Variants in ARSB observed in about 807,000 individuals in gnomAD.
ARSB encodes the protein arylsulfatase B, also known as N-acetylgalactosamine-4-sulfatase.
Under a neutral mutation model 50.9 loss-of-function variants are expected in ARSB, and 41 were observed. That is an observed-to-expected ratio of 0.81 (90% CI 0.63 to 1.04). ARSB has a LOEUF of 1.04. ARSB is among the 50% of genes least tolerant of loss of function. The probability of loss-of-function intolerance (pLI) is 0.00; values close to 1 mark genes in which losing one functional copy is unlikely to be tolerated. For synonymous variants in ARSB, 269 were observed against 284.8 expected (o/e 0.94, Z 0.56); for missense variants, 672 against 693.3 (o/e 0.97, Z 0.35).
intron 6 of ARSB, among the ~76,000 whole-genome samples, chr5:78,816,568 G>A (rs999500624): frequency 1.3e-5 from 2 of 152,204 alleles, no homozygotes; most frequent in Non-Finnish European, 2.9e-5. Flanking sequence ...TTCTGCAGAT[G>A]CCATTAAGGT....
rs141070149 is a variant in ARSB at position 78,935,600 on chromosome 5, T to C, written c.898+19695A>G. The stretch of plus-strand genomic sequence containing the variant: ...GAGTAACAAGAGGAAACAGAAGCCA[T>C]AAAAACAAATAAAAAGCAAACCGGA... On this transcript the variant is annotated intron_variant, in intron 4 of 7. Transcript: ENST00000264914. 1.8e-3 allele frequency among the ~76,000 whole-genome samples: 275 copies of C among 152,122 alleles called. 1 individual carries two copies. The East Asian group carries it at 0.028, about 16-fold the overall frequency.
intron 5 of ARSB, among the ~76,000 whole-genome samples, chr5:78,844,954 T>C (rs1159543937): frequency 6.6e-6 from 1 of 152,132 alleles, no homozygotes; most frequent in Non-Finnish European, 1.5e-5. Context: ...AGTCACCCTA[T>C]AGTGCTATAG....
chr5:78,951,454 T>C (rs1751491704), intron 4 of ARSB, among the ~76,000 whole-genome samples: 1 of 151,954 alleles, frequency 6.6e-6, no homozygotes, highest in African/African-American at 2.4e-5. Context: ...AGGATTAAAA[T>C]TGCAAAAGTG....
chr5:78,969,822 T>C (rs1394490216), intron 1 of ARSB, among the ~76,000 whole-genome samples: 1 of 152,234 alleles, frequency 6.6e-6, no homozygotes, highest in Non-Finnish European at 1.5e-5. Flanking sequence ...TTTCACCATG[T>C]TGGCCAGGCT....
At chr5:78,807,075 G>C (rs771016561) in intron 6 of ARSB, among the ~76,000 whole-genome samples, 2 of 152,220 alleles carry the variant, frequency 1.3e-5, no homozygotes, top group Non-Finnish European at 2.9e-5. Context: ...AGAGCATTCC[G>C]TGTTGGGGTG....
intron 3 of ARSB, among the ~76,000 whole-genome samples, chr5:78,960,948 C>T (rs1179514620): frequency 6.6e-6 from 1 of 152,144 alleles, no homozygotes; most frequent in Non-Finnish European, 1.5e-5. Flanking sequence ...AATTATCCTG[C>T]TGAAAAAGAG....
intron 5 of ARSB, among the ~76,000 whole-genome samples, chr5:78,872,250 C>T (rs1170719783): frequency 6.6e-6 from 1 of 151,606 alleles, no homozygotes; most frequent in Non-Finnish European, 1.5e-5. Context: ...TTGTGGAAGT[C>T]AGTGTGGCGA....
In ARSB at chr5:78,985,217, CG is replaced by C. The variant is rs1423360346; in HGVS notation, c.31del (p.Arg11GlufsTer45). 1 of 1,351,712 alleles carries C rather than the reference CG, an allele frequency of 7.4e-7. No homozygotes were observed. Among genetic ancestry groups the C allele is most frequent in the Non-Finnish European group, 9.5e-7 (1 of 1,057,174 alleles). The allele number at this position is 1,351,712 out of a possible 1,614,324, so 83.7% of individuals were successfully genotyped here. Reference protein sequence around the residue: MGPRGAASLPRGPGPRRLLLP... With the variant: MGPRGAASLPXGPGPRRLLLP... ...GAGCAGCCGCCGAGGTCCGGGGCCT[CG>C]GGGCAAGCTCGCCGCGCCGCGCGGA... On this transcript the variant is annotated frameshift_variant, in exon 1 of 8. Transcript: ENST00000264914. LOFTEE classifies it high-confidence loss of function.
At chr5:78,851,271 G>A (rs1364622620) in intron 5 of ARSB, among the ~76,000 whole-genome samples, 13 of 152,052 alleles carry the variant, frequency 8.5e-5, no homozygotes, top group East Asian at 1.9e-4. Flanking sequence ...CTTTGTTCTC[G>A]CTGGTTTCAA....
chr5:78,936,987 G>A (rs1359536302), intron 4 of ARSB, among the ~76,000 whole-genome samples: 4 of 152,080 alleles, frequency 2.6e-5, no homozygotes, highest in African/African-American at 9.7e-5. Flanking sequence ...TGCTGTCACT[G>A]TAGTTTCCAG....
intron 6 of ARSB, among the ~76,000 whole-genome samples, chr5:78,814,727 A>G (rs1561436780): frequency 6.6e-6 from 1 of 150,866 alleles, no homozygotes; most frequent in East Asian, 2.0e-4. Flanking sequence ...CAGGACAAAG[A>G]ACTATGGATT....
chr5:78,780,336 T>A lies in ARSB; in HGVS notation c.*61A>T. 1 of 1,608,586 alleles carries A rather than the reference T, an allele frequency of 6.2e-7. No homozygotes were observed. Among genetic ancestry groups the A allele is most frequent in the Non-Finnish European group, 8.5e-7 (1 of 1,177,930 alleles). On this transcript the variant is annotated 3_prime_UTR_variant, in exon 8 of 8. Transcript: ENST00000264914. ...GTTGGGATAACAAATGAGACAAGAG[T>A]CGTGAGAAAAGGCCTGAGGTCCAAC...
At chr5:78,862,064 T>G (rs4703766) in intron 5 of ARSB, among the ~76,000 whole-genome samples, 19,010 of 152,162 alleles carry the variant, frequency 0.12, 1,398 homozygotes, top group Middle Eastern at 0.21. Flanking sequence ...ACAAGGGATG[T>G]GAAGGACCTC....
chr5:78,853,559 G>A (rs369499396), intron 5 of ARSB, among the ~76,000 whole-genome samples: 3 of 152,220 alleles, frequency 2.0e-5, no homozygotes, highest in Admixed American at 6.5e-5. Flanking sequence ...CTCCAGCTGC[G>A]TGCTGGGAGA....
At chr5:78,819,758 C>T (rs1383488670) in intron 6 of ARSB, among the ~76,000 whole-genome samples, 1 of 152,150 alleles carries the variant, frequency 6.6e-6, no homozygotes, top group African/African-American at 2.4e-5. Flanking sequence ...CTGAAGGGGG[C>T]CACAGAGGTA....
rs35271764 is a variant in ARSB, at chr5:78,817,484, G to A, written c.1213+21872C>T. Among the ~76,000 whole-genome samples the A allele has an allele frequency of 3.1e-3, 478 of 152,236 alleles. 1 individual carries two copies. Among genetic ancestry groups the A allele is most frequent in the Non-Finnish European group, 5.5e-3 (375 of 68,008 alleles). On this transcript the variant is annotated intron_variant, in intron 6 of 7. Transcript: ENST00000264914. ...AATAAATGGGTGCCTTTAAGAGTCA[G>A]ATCTGATTTGAACAGAAATAAATCA... is the stretch of plus-strand genomic sequence containing the variant.
chr5:78,968,206 G>A (rs945268365), intron 2 of ARSB, among the ~76,000 whole-genome samples: 3 of 150,956 alleles, frequency 2.0e-5, no homozygotes, highest in Non-Finnish European at 4.4e-5. Flanking sequence ...GAATGCCAAT[G>A]GAAGAGTCTT....
At chr5:78,866,822 G>A (rs1039757205) in intron 5 of ARSB, among the ~76,000 whole-genome samples, 66 of 152,244 alleles carry the variant, frequency 4.3e-4, no homozygotes, top group Non-Finnish European at 1.2e-4. Context: ...GAGCCAAGAT[G>A]GCCGAATAGG....
At chr5:78,943,843 A>T (rs1488888411) in intron 4 of ARSB, among the ~76,000 whole-genome samples, 1 of 152,196 alleles carries the variant, frequency 6.6e-6, no homozygotes, top group Non-Finnish European at 1.5e-5. Context: ...AGACTGGGGA[A>T]GTTCTCCTGG....
Sources: gnomAD v4.1 joint callset for allele counts (sites outside exome capture counted in the v4.1 genomes callset) on GRCh38, gnomAD v4.1.1 for gene constraint, MANE v1.5 for transcripts, NCBI Gene and HGNC (gene_info 2026-07-23, HGNC 2026-07-21) for gene names.